CCDC7: variants seen among roughly 807,000 people sequenced by gnomAD.
CCDC7 encodes the protein coiled-coil domain containing 7.
In CCDC7, 183 loss-of-function variants were observed where a neutral mutation model predicts 196.9. The ratio of observed to expected loss-of-function variants is 0.93; its 90% CI spans 0.82 to 1.05. The LOEUF (loss-of-function observed/expected upper bound fraction) is 1.05, where lower values mean the gene tolerates loss of function less well. CCDC7 is among the 50% of genes least tolerant of loss of function. The pLI is 0.00. For synonymous variants in CCDC7, 525 were observed against 484.6 expected, an observed-to-expected ratio of 1.08 and a Z score of -1.10; for missense variants, 1,540 against 1,482.2, an observed-to-expected ratio of 1.04 and a Z score of -0.64.
At chr10:32,504,012 T>C (rs1662367876) in intron 9 of CCDC7, among the ~76,000 whole-genome samples, 1 of 151,932 alleles carries the variant, frequency 6.6e-6, no homozygotes, top group African/African-American at 2.4e-5. Context: ...TCTCTCTCTT[T>C]TTTCTTAGTC....
chr10:32,606,264 A>G (rs2061548851), intron 18 of CCDC7, among the ~76,000 whole-genome samples: 1 of 152,368 alleles, frequency 6.6e-6, no homozygotes, highest in African/African-American at 2.4e-5. Context: ...TTCAGGGAAT[A>G]TATGAGAAAT....
At chr10:32,795,907 A>G (rs1157402930) in intron 29 of CCDC7, among the ~76,000 whole-genome samples, 6 of 152,130 alleles carry the variant, frequency 3.9e-5, no homozygotes, top group Non-Finnish European at 8.8e-5. Flanking sequence ...TACCTCCTAC[A>G]CAATAGTGCT....
chr10:32,711,599 T>G (rs201383260), intron 24 of CCDC7, 21 bp from the exon 26 acceptor site: 1 of 1,460,668 alleles, frequency 6.8e-7, no homozygotes, highest in Admixed American at 2.1e-5. Context: ...AGTAAGGGAC[T>G]AAATTTCTCT....
At chr10:32,815,506 A>C (rs1163300283) in intron 31 of CCDC7, among the ~76,000 whole-genome samples, 1 of 152,132 alleles carries the variant, frequency 6.6e-6, no homozygotes, top group Non-Finnish European at 1.5e-5. Flanking sequence ...AAATGTCAGA[A>C]GGAGTAAGCA....
intron 41 of CCDC7, among the ~76,000 whole-genome samples, chr10:32,875,169 G>A (rs1269627814): frequency 1.3e-5 from 2 of 151,858 alleles, no homozygotes; most frequent in African/African-American, 2.4e-5. Flanking sequence ...TTTTATACCA[G>A]TACCATGCTT....
chr10:32,606,927 G>T (rs117886902), intron 18 of CCDC7, among the ~76,000 whole-genome samples: 6,308 of 152,230 alleles, frequency 0.041, 133 homozygotes, highest in Middle Eastern at 0.065. Context: ...ATGAGATTTT[G>T]GGAGCCAGAT....
At chr10:32,646,423 A>G (rs187881516) in intron 20 of CCDC7, among the ~76,000 whole-genome samples, 1 of 152,276 alleles carries the variant, frequency 6.6e-6, no homozygotes, top group East Asian at 1.9e-4. Flanking sequence ...AAAAATTGTT[A>G]AAACTTGTTT....
chr10:32,493,946 T>C (rs1299104492), intron 9 of CCDC7, among the ~76,000 whole-genome samples: 1 of 152,216 alleles, frequency 6.6e-6, no homozygotes, highest in African/African-American at 2.4e-5. Context: ...TAAACTCTTA[T>C]CAGATGTATG....
intron 32 of CCDC7, among the ~76,000 whole-genome samples, chr10:32,833,257 ATGAC>A (rs1290843976): frequency 2.6e-5 from 4 of 152,056 alleles, no homozygotes; most frequent in Non-Finnish European, 4.4e-5. Context: ...GATTCTAAAA[ATGAC>A]TGTGATGATG....
chr10:32,774,527 C>A (rs2079665250), intron 28 of CCDC7, among the ~76,000 whole-genome samples: 2 of 152,130 alleles, frequency 1.3e-5, no homozygotes, highest in South Asian at 4.1e-4. Flanking sequence ...GTGATTATTC[C>A]TCTTACCAGC....
intron 39 of CCDC7, among the ~76,000 whole-genome samples, chr10:32,850,355 T>C (rs1215465343): frequency 6.6e-6 from 1 of 152,182 alleles, no homozygotes; most frequent in Non-Finnish European, 1.5e-5. Context: ...TGCATGTTTC[T>C]CATCATCCAG....
At chr10:32,804,890 A>G (rs41313814) in intron 29 of CCDC7, 125 bp from the exon 31 acceptor site, 25,571 of 634,514 alleles carry the variant, frequency 0.04, 601 homozygotes, top group Non-Finnish European at 0.047. Flanking sequence ...ACATTTTGCT[A>G]TAACTTTTAT....
intron 20 of CCDC7, among the ~76,000 whole-genome samples, chr10:32,642,065 G>C (rs140301095): frequency 0.039 from 5,899 of 152,284 alleles, 121 homozygotes; most frequent in Middle Eastern, 0.051. Flanking sequence ...TGCCCCTACT[G>C]GGGGGTGCCT....
intron 31 of CCDC7, 87 bp from the exon 33 acceptor site, chr10:32,824,431 T>TA: frequency 1.4e-6 from 1 of 727,864 alleles, no homozygotes; most frequent in Non-Finnish European, 2.3e-6. Context: ...TGAAGAATAT[T>TA]AATTATGATA....
chr10:32,827,736 A>G (rs1200729035), intron 32 of CCDC7, among the ~76,000 whole-genome samples: 1 of 152,188 alleles, frequency 6.6e-6, no homozygotes, highest in African/African-American at 2.4e-5. Context: ...TGGCACATGT[A>G]TACCTATGTA....
At chr10:32,501,065 GGT>G (rs2043951437) in intron 9 of CCDC7, among the ~76,000 whole-genome samples, 1 of 148,372 alleles carries the variant, frequency 6.7e-6, no homozygotes, top group South Asian at 2.1e-4. Flanking sequence ...GAGAGGGAGA[GGT>G]GTTTCTTTCT....
At chr10:32,849,780 C>G (rs1367746956) in intron 39 of CCDC7, among the ~76,000 whole-genome samples, 4 of 149,308 alleles carry the variant, frequency 2.7e-5, no homozygotes, top group Non-Finnish European at 4.4e-5. Context: ...AAGTTGTTAA[C>G]TTGGTAACTG....
intron 18 of CCDC7, among the ~76,000 whole-genome samples, chr10:32,608,599 G>A (rs2061773469): frequency 6.6e-6 from 1 of 152,018 alleles, no homozygotes; most frequent in South Asian, 2.1e-4. Context: ...GGTGTGCAGT[G>A]GTGCGATCTA....
In CCDC7 at chr10:32,680,157, G is replaced by C. The variant is rs564256823; in HGVS notation, c.2123-5813G>C. 1.0e-3 allele frequency among the ~76,000 whole-genome samples: 157 copies of C among 152,294 alleles called. 1 individual carries two copies. Among genetic ancestry groups the C allele is most frequent in the Middle Eastern group, 3.4e-3 (1 of 294 alleles). The stretch of plus-strand genomic sequence containing the variant: ...ATTAACTTCAGCAAAGAAGGCAGTT[G>C]TTTCTTTTTTATTCCTAGACAGATT... On this transcript the variant is annotated intron_variant, in intron 21 of 41. Transcript: ENST00000639629.
Sources: gnomAD v4.1 joint callset for allele counts (sites outside exome capture counted in the v4.1 genomes callset) on GRCh38, gnomAD v4.1.1 for gene constraint, MANE v1.5 for transcripts, NCBI Gene and HGNC (gene_info 2026-07-23, HGNC 2026-07-21) for gene names.